ZDHHC14: variants seen among roughly 807,000 people sequenced by gnomAD.
ZDHHC14 encodes zDHHC palmitoyltransferase 14, also known as palmitoyltransferase ZDHHC14.
A neutral mutation model predicts 47.7 loss-of-function variants in ZDHHC14; 16 were observed. The observed-to-expected ratio is 0.34, with a 90% CI of 0.23 to 0.51. The LOEUF is 0.51. ZDHHC14 is among the 20% of genes least tolerant of loss of function. ZDHHC14 has a pLI of 0.97. For synonymous variants in ZDHHC14, 293 were observed against 278.9 expected (o/e 1.05, Z -0.50); for missense variants, 515 against 662.5 (o/e 0.78, Z 2.44).
intron 2 of ZDHHC14, among the ~76,000 whole-genome samples, chr6:157,571,620 C>T (rs1783099435): frequency 6.6e-6 from 1 of 152,102 alleles, no homozygotes; most frequent in Non-Finnish European, 1.5e-5. Flanking sequence ...TGCTTAGATT[C>T]CCCAGCTAAT....
chr6:157,420,408 C>T (rs1778072261), intron 1 of ZDHHC14, among the ~76,000 whole-genome samples: 1 of 143,524 alleles, frequency 7.0e-6, no homozygotes, highest in Non-Finnish European at 1.5e-5. Context: ...AATCAAGGCA[C>T]TGATGAAGGA....
At chr6:157,578,360 A>T (rs754153055) in intron 2 of ZDHHC14, among the ~76,000 whole-genome samples, 7 of 152,050 alleles carry the variant, frequency 4.6e-5, no homozygotes, top group Non-Finnish European at 7.4e-5. Flanking sequence ...TCTTAAGTTG[A>T]TTTCATATGT....
intron 7 of ZDHHC14, among the ~76,000 whole-genome samples, chr6:157,652,118 G>A (rs1272492117): frequency 1.3e-5 from 2 of 152,354 alleles, no homozygotes; most frequent in African/African-American, 2.4e-5. Flanking sequence ...TTTGAAAGGT[G>A]GAGATTCTTG....
chr6:157,470,771 C>T (rs776579455), intron 1 of ZDHHC14, among the ~76,000 whole-genome samples: 6 of 152,140 alleles, frequency 3.9e-5, no homozygotes, highest in Non-Finnish European at 7.3e-5. Context: ...GCTAATACTA[C>T]ATAGATTGTC....
At chr6:157,468,975 A>G (rs1343485067) in intron 1 of ZDHHC14, among the ~76,000 whole-genome samples, 1 of 152,210 alleles carries the variant, frequency 6.6e-6, no homozygotes, top group African/African-American at 2.4e-5. Flanking sequence ...CCCTAGGGCC[A>G]TCTTCCCAGG....
intron 2 of ZDHHC14, 153 bp from the exon 3 acceptor site, chr6:157,592,835 T>C: frequency 6.9e-7 from 1 of 1,451,594 alleles, no homozygotes; most frequent in Non-Finnish European, 9.1e-7. Flanking sequence ...GGAGGGTGAG[T>C]CCCAGAGCCC....
chr6:157,517,074 T>G (rs1780718300), intron 1 of ZDHHC14, among the ~76,000 whole-genome samples: 2 of 152,148 alleles, frequency 1.3e-5, no homozygotes, highest in Non-Finnish European at 2.9e-5. Flanking sequence ...AGCAGACATC[T>G]CCGAGCACTT....
intron 1 of ZDHHC14, among the ~76,000 whole-genome samples, chr6:157,520,821 C>T (rs1350063857): frequency 1.3e-5 from 2 of 152,140 alleles, no homozygotes; most frequent in Non-Finnish European, 2.9e-5. Context: ...GTTCCTTTTA[C>T]CTGGGAAACT....
At chr6:157,664,612 G>C (rs1015027654) in intron 8 of ZDHHC14, among the ~76,000 whole-genome samples, 7 of 152,174 alleles carry the variant, frequency 4.6e-5, no homozygotes. Context: ...AGCTTTGTTA[G>C]GATGGGTCTA....
chr6:157,607,935 T>C (rs956453375), intron 3 of ZDHHC14, among the ~76,000 whole-genome samples: 2 of 152,220 alleles, frequency 1.3e-5, no homozygotes, highest in Non-Finnish European at 2.9e-5. Flanking sequence ...AAGATCGTAT[T>C]GCACAATGTC....
At chr6:157,553,085 A>G (rs911814245) in intron 2 of ZDHHC14, among the ~76,000 whole-genome samples, 3 of 152,202 alleles carry the variant, frequency 2.0e-5, no homozygotes, top group Admixed American at 1.3e-4. Flanking sequence ...TTTACAGCCA[A>G]GGAGCAGAGT....
At chr6:157,628,729 T>G in intron 4 of ZDHHC14, 1 of 489,488 alleles carries the variant, frequency 2.0e-6, no homozygotes, top group Admixed American at 3.8e-5. Flanking sequence ...GGGTCGCACC[T>G]AGGCCAGGCT....
intron 1 of ZDHHC14, among the ~76,000 whole-genome samples, chr6:157,460,057 C>CAAAAAAAA (rs35995673): frequency 7.6e-5 from 9 of 118,190 alleles, no homozygotes; most frequent in East Asian, 2.5e-4. Context: ...ACTAAAAATA[C>CAAAAAAAA]AAAAAAAAAA....
intron 8 of ZDHHC14, among the ~76,000 whole-genome samples, chr6:157,669,337 G>C (rs146551754): frequency 3.3e-5 from 5 of 151,998 alleles, no homozygotes; most frequent in Non-Finnish European, 7.4e-5. Context: ...GGGTGGTGGG[G>C]GGGGAAGACA....
At chr6:157,580,672 G>C (rs761816339) in intron 2 of ZDHHC14, among the ~76,000 whole-genome samples, 2 of 151,682 alleles carry the variant, frequency 1.3e-5, no homozygotes, top group Non-Finnish European at 2.9e-5. Flanking sequence ...TAGTTTGTCT[G>C]CATAGAGGTG....
chr6:157,628,645 C>T, intron 4 of ZDHHC14, 159 bp downstream of exon 4: 1 of 923,772 alleles, frequency 1.1e-6, no homozygotes, highest in Non-Finnish European at 1.6e-6. Context: ...GCTTTTGTTT[C>T]TCACCCTCCT....
chr6:157,592,336 C>T (rs773641882), intron 2 of ZDHHC14, among the ~76,000 whole-genome samples: 2 of 152,134 alleles, frequency 1.3e-5, no homozygotes, highest in Admixed American at 1.3e-4. Context: ...AAATGATTTT[C>T]AAAATATACA....
rs1206227473 is a variant in ZDHHC14, at chr6:157,677,301, A to G, written c.*4179A>G. On this transcript the variant is annotated 3_prime_UTR_variant, in exon 9 of 9. Coordinates refer to ENST00000359775, the MANE Select transcript of ZDHHC14 (RefSeq NM_024630.3). ...TTCCCTTAAAACGTCTCTCTCTCTC[A>G]TAAAACTAAGTTATCATTGAAATAT... 1 of 151,002 alleles carries G rather than the reference A, an allele frequency of 6.6e-6. No individual in the cohort carries two copies. The highest frequency in any genetic ancestry group is 1.5e-5 in the Non-Finnish European group (1 of 67,834). The allele number at this position is 151,002 out of a possible 1,614,324, so 9.4% of individuals were successfully genotyped here.
At chr6:157,522,188 G>A (rs1780942662) in intron 1 of ZDHHC14, among the ~76,000 whole-genome samples, 1 of 152,032 alleles carries the variant, frequency 6.6e-6, no homozygotes, top group African/African-American at 2.4e-5. Flanking sequence ...AAAATTCAAT[G>A]CAACCTTTGT....
Sources: gnomAD v4.1 joint callset for allele counts (sites outside exome capture counted in the v4.1 genomes callset) on GRCh38, gnomAD v4.1.1 for gene constraint, MANE v1.5 for transcripts, NCBI Gene and HGNC (gene_info 2026-07-23, HGNC 2026-07-21) for gene names.